The following KCNT2 variants were observed in gnomAD, a reference collection of about 807,000 sequenced individuals.
The protein encoded by KCNT2 is potassium sodium-activated channel subfamily T member 2, also known as potassium channel subfamily T member 2.
A neutral mutation model predicts 153.8 loss-of-function variants in KCNT2; 67 were observed. The ratio of observed to expected loss-of-function variants is 0.44; its 90% CI spans 0.36 to 0.53. KCNT2 has a LOEUF of 0.53. Among genes scored for constraint, KCNT2 ranks in the 20% least tolerant of loss-of-function variants. The pLI is 0.00. For synonymous variants in KCNT2, 500 were observed against 458.8 expected, an observed-to-expected ratio of 1.09 and a Z score of -1.15; for missense variants, 975 against 1,354.8, an observed-to-expected ratio of 0.72 and a Z score of 4.40.
chr1:196,390,867 C>T (rs1457212316), intron 13 of KCNT2, among the ~76,000 whole-genome samples: 1 of 147,932 alleles, frequency 6.8e-6, no homozygotes, highest in Non-Finnish European at 1.5e-5. Flanking sequence ...GCTGGCCATC[C>T]TACTGTTAAG....
intron 1 of KCNT2, among the ~76,000 whole-genome samples, chr1:196,582,945 T>C (rs557134958): frequency 6.6e-5 from 10 of 152,186 alleles, no homozygotes; most frequent in Middle Eastern, 3.4e-3. Flanking sequence ...GAGATTTGCA[T>C]AGCGAAAAAG....
chr1:196,400,165 G>A (rs564578291), intron 12 of KCNT2, among the ~76,000 whole-genome samples: 24 of 151,696 alleles, frequency 1.6e-4, no homozygotes, highest in African/African-American at 5.5e-4. Context: ...GTGAATACTT[G>A]TTAATCAATT....
At chr1:196,322,404 C>A (rs147795695) in intron 19 of KCNT2, among the ~76,000 whole-genome samples, 24 of 151,012 alleles carry the variant, frequency 1.6e-4, no homozygotes, top group African/African-American at 5.8e-4. Flanking sequence ...TGAATCGAAA[C>A]AAAACAAAAA....
At chr1:196,513,617 C>T (rs1489150405) in intron 1 of KCNT2, among the ~76,000 whole-genome samples, 1 of 152,146 alleles carries the variant, frequency 6.6e-6, no homozygotes, top group Admixed American at 6.6e-5. Flanking sequence ...TTTGCCTTGC[C>T]TCCAGGCCTT....
intron 22 of KCNT2, among the ~76,000 whole-genome samples, chr1:196,290,808 TACTA>T (rs1660121629): frequency 6.6e-6 from 1 of 152,096 alleles, no homozygotes; most frequent in South Asian, 2.1e-4. Context: ...TGAAATAACT[TACTA>T]ACTCTTTCCC....
chr1:196,434,783 A>G (rs892124065), intron 8 of KCNT2, among the ~76,000 whole-genome samples: 1 of 151,856 alleles, frequency 6.6e-6, no homozygotes, highest in Non-Finnish European at 1.5e-5. Context: ...TGCAGATGCT[A>G]AGCCTTAAGA....
intron 5 of KCNT2, among the ~76,000 whole-genome samples, chr1:196,477,769 C>G (rs1678667242): frequency 6.6e-6 from 1 of 152,174 alleles, no homozygotes. Flanking sequence ...CCTGATTGTT[C>G]TATTATTCCT....
At chr1:196,348,569 G>A (rs148492393) in intron 14 of KCNT2, among the ~76,000 whole-genome samples, 1 of 152,136 alleles carries the variant, frequency 6.6e-6, no homozygotes, top group East Asian at 1.9e-4. Context: ...ATCCTTCCTA[G>A]CCAAGTTTAT....
At chr1:196,594,444 T>C (rs942534866) in intron 1 of KCNT2, among the ~76,000 whole-genome samples, 1 of 152,172 alleles carries the variant, frequency 6.6e-6, no homozygotes, top group Admixed American at 6.6e-5. Context: ...GTGGCCTATA[T>C]ATTCATAGCT....
intron 13 of KCNT2, among the ~76,000 whole-genome samples, chr1:196,394,086 A>G (rs1276905681): frequency 6.6e-6 from 1 of 151,488 alleles, no homozygotes; most frequent in African/African-American, 2.4e-5. Flanking sequence ...GGTGACACAA[A>G]TTATTCACAA....
intron 1 of KCNT2, among the ~76,000 whole-genome samples, chr1:196,575,746 G>C (rs1033265603): frequency 6.6e-6 from 1 of 151,876 alleles, no homozygotes; most frequent in African/African-American, 2.4e-5. Flanking sequence ...GGGAGGCTAA[G>C]GCTGGCGGAT....
At chr1:196,366,588 A>T (rs746238596) in intron 14 of KCNT2, among the ~76,000 whole-genome samples, 1 of 152,162 alleles carries the variant, frequency 6.6e-6, no homozygotes, top group South Asian at 2.1e-4. Flanking sequence ...TGCTCAGGTC[A>T]TTGTAAATAC....
In KCNT2 at chr1:196,424,666, C is replaced by T. The variant is rs1238057074; in HGVS notation, c.1121+1186G>A. On this transcript the variant is annotated intron_variant, in intron 11 of 27. Coordinates refer to ENST00000294725, the MANE Select transcript of KCNT2 (RefSeq NM_198503.5). ...CACTCATTATATCCTGCTAGTTTCT[C>T]GTGCTGTTTTTTTTTCAGAAGTTGA... Among the ~76,000 whole-genome samples the T allele has an allele frequency of 2.6e-5, 4 of 151,602 alleles. No homozygotes were observed. The South Asian group carries it at 8.3e-4, about 32-fold the overall frequency.
chr1:196,603,061 C>T (rs1664933909), intron 1 of KCNT2, among the ~76,000 whole-genome samples: 1 of 152,098 alleles, frequency 6.6e-6, no homozygotes, highest in African/African-American at 2.4e-5. Flanking sequence ...GCTGGGATTA[C>T]AGGCGTGAGC....
intron 27 of KCNT2, among the ~76,000 whole-genome samples, chr1:196,229,153 T>C (rs560875407): frequency 6.6e-6 from 1 of 152,200 alleles, no homozygotes; most frequent in South Asian, 2.1e-4. Context: ...TTTGCCAATA[T>C]TGAATTATTT....
rs1400995821 is a variant in KCNT2, at chr1:196,226,926, T to C, written c.*1298A>G. ...TTACAGGAACATTTTAACACACTTC[T>C]ACTACCTGGTAAACTATGTACGCAT... On this transcript the variant is annotated 3_prime_UTR_variant, in exon 28 of 28. Transcript: ENST00000294725. 6.6e-6 allele frequency: 1 copy of C among 152,038 alleles called. No individual in the cohort carries two copies. Among genetic ancestry groups the C allele is most frequent in the Non-Finnish European group, 1.5e-5 (1 of 67,878 alleles). The allele number at this position is 152,038 out of a possible 1,614,324, so 9.4% of individuals were successfully genotyped here. A position where few individuals can be genotyped will look rare whatever the true frequency, so the allele number is the denominator to read the frequency against.
At chr1:196,386,703 A>G (rs1444906665) in intron 13 of KCNT2, among the ~76,000 whole-genome samples, 2 of 152,022 alleles carry the variant, frequency 1.3e-5, no homozygotes, top group Admixed American at 6.6e-5. Flanking sequence ...CCACTTTTTA[A>G]ATTGCTTTAT....
At chr1:196,378,611 T>C (rs1669174602) in intron 13 of KCNT2, among the ~76,000 whole-genome samples, 1 of 151,264 alleles carries the variant, frequency 6.6e-6, no homozygotes, top group Non-Finnish European at 1.5e-5. Context: ...AGAGTAGTTT[T>C]AACCATAGTT....
chr1:196,483,491 T>G (rs1042449820), intron 3 of KCNT2, among the ~76,000 whole-genome samples: 2 of 152,182 alleles, frequency 1.3e-5, no homozygotes, highest in African/African-American at 4.8e-5. Context: ...CCCTATTGTG[T>G]ATTGCCTTTG....
Sources: allele counts gnomAD v4.1 joint callset (sites outside exome capture counted in the v4.1 genomes callset), GRCh38; gene constraint gnomAD v4.1.1; transcripts MANE v1.5; gene names NCBI Gene and HGNC (gene_info 2026-07-23, HGNC 2026-07-21).